Variants in KIR2DL1 observed in about 807,000 individuals in gnomAD.
KIR2DL1 encodes killer cell immunoglobulin like receptor, two Ig domains and long cytoplasmic tail 1.
Under a neutral mutation model 33.9 loss-of-function variants are expected in KIR2DL1, and 38 were observed. The ratio of observed to expected loss-of-function variants is 1.12; its 90% CI spans 0.86 to 1.47. The LOEUF (loss-of-function observed/expected upper bound fraction) is 1.47. Among genes scored for constraint, KIR2DL1 ranks in the 40% most tolerant of loss-of-function variants. The pLI, the probability that KIR2DL1 is intolerant of heterozygous loss-of-function variation, is 0.00. For synonymous variants in KIR2DL1, 179 were observed against 165.9 expected, an observed-to-expected ratio of 1.08 and a Z score of -0.61; for missense variants, 531 against 433.9, an observed-to-expected ratio of 1.22 and a Z score of -1.99.
intron 6 of KIR2DL1, 138 bp from the exon 7 acceptor site, chr19:54,783,348 A>G: frequency 1.1e-6 from 1 of 900,058 alleles, no homozygotes; most frequent in South Asian, 1.5e-5. Flanking sequence ...GCTCAGAGAG[A>G]TAGAATGTCT....
Position 54,774,241 on chromosome 19 carries a change from G to A in KIR2DL1, c.370+609G>A, listed in dbSNP as rs796657122. ...TATGAGAGGATCAGTGAGAGGCACA[G>A]AGAGAAATCAGGGACACCAAAAAGC... On this transcript the variant is annotated intron_variant, in intron 3 of 7. Coordinates refer to ENST00000336077, the MANE Select transcript of KIR2DL1 (RefSeq NM_014218.3). 1.6e-4 allele frequency among the ~76,000 whole-genome samples: 24 copies of A among 148,680 alleles called. 1 individual carries two copies. The highest frequency in any genetic ancestry group is 5.6e-4 in the African/African-American group (23 of 40,824).
At chr19:54,783,157 A>G in intron 6 of KIR2DL1, 134 bp downstream of exon 6, 1 of 1,057,598 alleles carries the variant, frequency 9.5e-7, no homozygotes, top group South Asian at 1.3e-5. Flanking sequence ...AGGACTTTCT[A>G]GAGAGGGCAC....
rs1298368223 is a variant in KIR2DL1 at position 54,770,158 on chromosome 19, G to C, written c.34+274G>C. ...CTGGAGGGGAGATAGGAACCTGGAG[G>C]GGAGATATGGGCCTGGAGGTGGAGA... On this transcript the variant is annotated intron_variant, in intron 1 of 7. Transcript: ENST00000336077. 1.5e-5 allele frequency among the ~76,000 whole-genome samples: 2 copies of C among 132,008 alleles called. 1 individual carries two copies. Among genetic ancestry groups the C allele is most frequent in the Non-Finnish European group, 3.3e-5 (2 of 60,060 alleles). 86.6% of individuals were successfully genotyped at this position (132,008 alleles called of 152,430 possible). A position where few individuals can be genotyped will look rare whatever the true frequency, so the allele number is the denominator to read the frequency against.
At position 54,783,894 on chromosome 19, in the gene KIR2DL1, C is replaced by T; in HGVS notation, c.*81C>T. ...AACCGGGTTGCCAGCTCCCATGTAC[C>T]AGCAGCTGGAATCTGAAGGCGTGAG... On this transcript the variant is annotated 3_prime_UTR_variant, in exon 8 of 8. Transcript: ENST00000336077. The T allele has an allele frequency of 1.9e-6, 3 of 1,581,510 alleles. No homozygotes were observed. The highest frequency in any genetic ancestry group is 2.6e-6 in the Non-Finnish European group (3 of 1,150,636).
intron 6 of KIR2DL1, among the ~76,000 whole-genome samples, chr19:54,783,270 C>G (rs1470050628): frequency 4.0e-5 from 6 of 151,792 alleles, no homozygotes; most frequent in South Asian, 2.1e-4. Context: ...GGTTCCATGA[C>G]AGGCAGAAAG....
rs1222592898 is a variant in KIR2DL1 at position 54,772,024 on chromosome 19, G to A, written c.70+1140G>A. ...TGGGGTAAAGGGGGATTGAATACAG[G>A]GAAATGGGTGCTGTGGTGGGAAGAA... On this transcript the variant is annotated intron_variant, in intron 2 of 7. Coordinates refer to ENST00000336077, the MANE Select transcript of KIR2DL1 (RefSeq NM_014218.3). Among the ~76,000 whole-genome samples, 3 of 146,254 alleles carry A rather than the reference G, an allele frequency of 2.1e-5. No homozygotes were observed. In the East Asian group the frequency reaches 5.9e-4, roughly 29 times the overall value.
intron 3 of KIR2DL1, among the ~76,000 whole-genome samples, chr19:54,774,808 AATAG>A (rs1218312059): frequency 2.7e-5 from 4 of 148,664 alleles, no homozygotes; most frequent in Admixed American, 6.8e-5. Flanking sequence ...CGAATAGATA[AATAG>A]ATAGATCGAT....
rs370838869 is a variant in KIR2DL1, at chr19:54,784,044, G to T, written c.*231G>T. On this transcript the variant is annotated 3_prime_UTR_variant, in exon 8 of 8. Coordinates refer to ENST00000336077, the MANE Select transcript of KIR2DL1 (RefSeq NM_014218.3). Reference sequence around the variant, plus strand: ...AACACACTCCTTTGCTTAACCCACAGTTCTCCATTTCACTTGACCCCTGCC... The same window carrying T: ...AACACACTCCTTTGCTTAACCCACATTTCTCCATTTCACTTGACCCCTGCC... 7.3e-6 allele frequency: 5 copies of T among 685,912 alleles called. No individual in the cohort carries two copies. The South Asian group carries it at 9.2e-5, about 13-fold the overall frequency. 42.5% of individuals were successfully genotyped at this position (685,912 alleles called of 1,614,324 possible). A position where few individuals can be genotyped will look rare whatever the true frequency, so the allele number is the denominator to read the frequency against.
intron 4 of KIR2DL1, among the ~76,000 whole-genome samples, chr19:54,776,089 A>G (rs1376603745): frequency 2.8e-5 from 4 of 144,862 alleles, no homozygotes; most frequent in Non-Finnish European, 6.2e-5. Context: ...AGGTGGTTTC[A>G]CCATGTTGGT....
At chr19:54,774,634 T>G (rs1169416602) in intron 3 of KIR2DL1, among the ~76,000 whole-genome samples, 3 of 147,796 alleles carry the variant, frequency 2.0e-5, no homozygotes, top group African/African-American at 7.4e-5. Context: ...GACAGATAGA[T>G]AGATAATACA....
chr19:54,770,923 C>G, intron 2 of KIR2DL1, 39 bp downstream of exon 2: 1 of 1,576,292 alleles, frequency 6.3e-7, no homozygotes, highest in Non-Finnish European at 8.7e-7. Context: ...CATCTCCCCA[C>G]ATAAGAGGAT....
In KIR2DL1 at chr19:54,773,269, T is replaced by C. The variant is rs879053763; in HGVS notation, c.71-64T>C. ...ACCAGGAAGGGGAAGCCTGACTCAA[T>C]CCAGGTGCCATGGATGGGATGATAA... On this transcript the variant is annotated intron_variant, in intron 2 of 7. Transcript: ENST00000336077. 2.4e-4 allele frequency: 357 copies of C among 1,494,780 alleles called. 1 individual carries two copies. The highest frequency in any genetic ancestry group is 3.7e-4 in the South Asian group (31 of 84,706). The allele number at this position is 1,494,780 out of a possible 1,614,324, so 92.6% of individuals were successfully genotyped here.
rs1258188647 is a variant in KIR2DL1 at position 54,784,120 on chromosome 19, C to A, written c.*307C>A. 3 of 543,806 alleles carry A rather than the reference C, an allele frequency of 5.5e-6. No homozygotes were observed. Among genetic ancestry groups the A allele is most frequent in the Non-Finnish European group, 9.9e-6 (3 of 304,512 alleles). 33.7% of individuals were successfully genotyped at this position (543,806 alleles called of 1,614,324 possible). ...TTCCTAGTCTACTTGAGGCTGCAATCACACTGAGGAACTCACAATTCCAAA... is the reference window on the plus strand; with the variant it reads ...TTCCTAGTCTACTTGAGGCTGCAATAACACTGAGGAACTCACAATTCCAAA... On this transcript the variant is annotated 3_prime_UTR_variant, in exon 8 of 8. Transcript: ENST00000336077.
chr19:54,770,762 G>C (rs1379376643), intron 1 of KIR2DL1, 87 bp from the exon 2 acceptor site: 2,230 of 1,413,142 alleles, frequency 1.6e-3, no homozygotes, highest in Non-Finnish European at 2.1e-3. Flanking sequence ...GAAGGGCCTG[G>C]CTACCAAGAC....
chr19:54,782,137 G>C (rs1192580824), intron 5 of KIR2DL1, among the ~76,000 whole-genome samples: 1 of 151,950 alleles, frequency 6.6e-6, no homozygotes, highest in African/African-American at 2.4e-5. Context: ...GTGTAGCTGC[G>C]GGAAGCCAGA....
In KIR2DL1 at chr19:54,775,094, T is replaced by C. The variant is rs2076163291; in HGVS notation, c.371-71T>C. 4.1e-6 allele frequency: 6 copies of C among 1,478,102 alleles called. 1 individual carries two copies. Among genetic ancestry groups the C allele is most frequent in the African/African-American group, 2.9e-5 (2 of 69,830 alleles). The allele number at this position is 1,478,102 out of a possible 1,614,324, so 91.6% of individuals were successfully genotyped here. A position where few individuals can be genotyped will look rare whatever the true frequency, so the allele number is the denominator to read the frequency against. On this transcript the variant is annotated intron_variant, in intron 3 of 7. Transcript: ENST00000336077. Reference sequence around the variant, plus strand: ...TTAGGTCATAGAACAGGGGAGTGAGTTCTCAGCTCAGGTGAAGGGAGCTGT... The same window carrying C: ...TTAGGTCATAGAACAGGGGAGTGAGCTCTCAGCTCAGGTGAAGGGAGCTGT...
intron 5 of KIR2DL1, among the ~76,000 whole-genome samples, chr19:54,781,478 A>G (rs1031734904): frequency 2.0e-5 from 3 of 150,592 alleles, no homozygotes; most frequent in African/African-American, 7.3e-5. Flanking sequence ...CCTACTTCCA[A>G]TCACCTGTGG....
intron 5 of KIR2DL1, among the ~76,000 whole-genome samples, chr19:54,779,128 C>T (rs1372278502): frequency 4.7e-5 from 7 of 148,198 alleles, no homozygotes; most frequent in Non-Finnish European, 9.1e-5. Flanking sequence ...AGAGCTCATG[C>T]ACGCACACTT....
intron 2 of KIR2DL1, among the ~76,000 whole-genome samples, chr19:54,771,650 C>T (rs1381568770): frequency 6.8e-6 from 1 of 148,072 alleles, no homozygotes; most frequent in East Asian, 1.9e-4. Context: ...CTGGCCAAGC[C>T]CTGTGGTGCC....
Sources: gnomAD v4.1 joint callset for allele counts (sites outside exome capture counted in the v4.1 genomes callset) on GRCh38, gnomAD v4.1.1 for gene constraint, MANE v1.5 for transcripts, NCBI Gene and HGNC (gene_info 2026-07-23, HGNC 2026-07-21) for gene names.